Variants in RNF145 observed in about 807,000 individuals in gnomAD.
RNF145 encodes the protein ring finger protein 145.
In RNF145, 12 loss-of-function variants were observed where a neutral mutation model predicts 57.3. The observed-to-expected ratio is 0.21, with a 90% CI of 0.13 to 0.34. The LOEUF (loss-of-function observed/expected upper bound fraction) is 0.34. RNF145 is among the 10% of genes least tolerant of loss of function. RNF145 has a pLI of 1.00. For missense variants in RNF145, 429 were observed against 799.0 expected, an observed-to-expected ratio of 0.54 and a Z score of 5.58; for synonymous variants, 262 against 288.3, an observed-to-expected ratio of 0.91 and a Z score of 0.92.
rs1197675386 is a variant in RNF145 at position 159,169,680 on chromosome 5, G to A, written c.937C>T (p.Arg313Trp). 2 of 1,591,098 alleles carry A rather than the reference G, an allele frequency of 1.3e-6. No homozygotes were observed. Among genetic ancestry groups the A allele is most frequent in the Non-Finnish European group, 1.7e-6 (2 of 1,172,550 alleles). ...GATATAATCAAGGAAAGAACTTACC[G>A]ATTCATGGCAGGATCATTCATGAAA... Reference protein sequence around the residue: ...RAFMNDPAMNRGMTEGVTLLI... With the variant: ...RAFMNDPAMNWGMTEGVTLLI... Residue 313 changes from arginine to tryptophan, a missense_variant and splice_region_variant, in exon 7 of 11, where the codon CGG (arginine) becomes TGG (tryptophan). Around this residue, in one of 4 missense-constraint regions of RNF145, gnomAD observed 216 missense variants for 457.6 expected, o/e 0.47. Coordinates refer to ENST00000424310, the MANE Select transcript of RNF145 (RefSeq NM_001199383.2).
intron 1 of RNF145, among the ~76,000 whole-genome samples, chr5:159,208,602 G>T (rs1308352890): frequency 6.6e-6 from 1 of 152,126 alleles, no homozygotes; most frequent in Non-Finnish European, 1.5e-5. Context: ...GGACTGGCAG[G>T]CCCTTCCGCA....
Position 159,165,829 on chromosome 5 carries a change from T to C in RNF145, c.1122-2750A>G, listed in dbSNP as rs148623141. On this transcript the variant is annotated intron_variant, in intron 8 of 10. Coordinates refer to ENST00000424310, the MANE Select transcript of RNF145 (RefSeq NM_001199383.2). The stretch of plus-strand genomic sequence containing the variant: ...GATTTGTGGGTCACTATTTTTAACA[T>C]AGCACTGTGACTATTACCACATTTT... Among the ~76,000 whole-genome samples the C allele has an allele frequency of 2.3e-3, 346 of 152,238 alleles. 1 individual carries two copies. Among genetic ancestry groups the C allele is most frequent in the East Asian group, 9.1e-3 (47 of 5,170 alleles).
chr5:159,161,619 G>T lies in RNF145; in HGVS notation c.1273C>A (p.Leu425Met). Residue 425 changes from leucine (L) to methionine (M), a missense_variant, in exon 10 of 11, where the codon CTG becomes ATG. Coordinates refer to ENST00000424310, the MANE Select transcript of RNF145 (RefSeq NM_001199383.2). ...SSSILTSLQV[L>M]GTLFIYVLFM... The stretch of plus-strand genomic sequence containing the variant: ...AAGACATAAATAAAAAGTGTTCCCA[G>T]AACCTGAAAAAAAAAAAAAAATGTA... 1 of 1,427,622 alleles carries T rather than the reference G, an allele frequency of 7.0e-7. No individual in the cohort carries two copies. The highest frequency in any genetic ancestry group is 9.2e-7 in the Non-Finnish European group (1 of 1,084,288). 88.4% of individuals were successfully genotyped at this position (1,427,622 alleles called of 1,614,324 possible).
chr5:159,184,585 A>G (rs912361921), intron 3 of RNF145, among the ~76,000 whole-genome samples: 2 of 152,250 alleles, frequency 1.3e-5, no homozygotes, highest in African/African-American at 4.8e-5. Flanking sequence ...ATACATAAAA[A>G]GATTTTAAAT....
chr5:159,183,284 C>T, intron 3 of RNF145, among the ~76,000 whole-genome samples: 1 of 152,088 alleles, frequency 6.6e-6, no homozygotes, highest in Non-Finnish European at 1.5e-5. Context: ...AACCAAGGGG[C>T]AATTTTGCTC....
In RNF145 at chr5:159,158,014, CAG is replaced by C. The variant is rs1429799786; in HGVS notation, c.*654_*655del. 1.0e-4 allele frequency: 16 copies of C among 152,808 alleles called. No homozygotes were observed. The highest frequency in any genetic ancestry group is 3.9e-4 in the African/African-American group (16 of 41,460). 9.5% of individuals were successfully genotyped at this position (152,808 alleles called of 1,614,324 possible). A position where few individuals can be genotyped will look rare whatever the true frequency, so the allele number is the denominator to read the frequency against. ...ACTCCGTCATAAAGTTCAAGAGTCT[CAG>C]ATTACATGAATGCACCCGCAAGGCC... On this transcript the variant is annotated 3_prime_UTR_variant, in exon 11 of 11. Coordinates refer to ENST00000424310, the MANE Select transcript of RNF145 (RefSeq NM_001199383.2).
At chr5:159,184,931 G>A (rs6556403) in intron 3 of RNF145, among the ~76,000 whole-genome samples, 152,268 of 152,286 alleles carry the variant, frequency 1, 76,125 homozygotes, top group Middle Eastern at 1. Context: ...AAGAATAAAT[G>A]ATCAACCTTT....
chr5:159,198,439 G>C (rs1785536894), intron 2 of RNF145, among the ~76,000 whole-genome samples: 1 of 152,278 alleles, frequency 6.6e-6, no homozygotes, highest in Non-Finnish European at 1.5e-5. Flanking sequence ...GGTAAGATGA[G>C]AGCCTGGATT....
rs535137083 is a variant in RNF145 at position 159,187,721 on chromosome 5, G to A, written c.294-5670C>T. ...ACTTTTTGGTTGTCATATTTGCTGG[G>A]AAGAGGGTATCACTGGGGTCTAGTG... On this transcript the variant is annotated intron_variant, in intron 3 of 10. Transcript: ENST00000424310. Among the ~76,000 whole-genome samples, 7 of 152,290 alleles carry A rather than the reference G, an allele frequency of 4.6e-5. No individual in the cohort carries two copies. In the East Asian group the frequency reaches 1.4e-3, roughly 29 times the overall value.
chr5:159,176,581 A>C, intron 5 of RNF145, 51 bp downstream of exon 5: 1 of 1,051,264 alleles, frequency 9.5e-7, no homozygotes, highest in Non-Finnish European at 1.4e-6. Flanking sequence ...TAATGTACTT[A>C]ACATTTATGT....
chr5:159,185,758 C>A (rs1454965897), intron 3 of RNF145, among the ~76,000 whole-genome samples: 2 of 152,174 alleles, frequency 1.3e-5, no homozygotes, highest in Admixed American at 6.5e-5. Context: ...AGAATTCCTG[C>A]CAATCTACTT....
At chr5:159,188,806 A>G (rs760383839) in intron 3 of RNF145, among the ~76,000 whole-genome samples, 2 of 152,160 alleles carry the variant, frequency 1.3e-5, no homozygotes, top group Non-Finnish European at 2.9e-5. Context: ...TTTCAGGATA[A>G]TAAGTTTCAT....
In RNF145 at chr5:159,209,492, C is replaced by CGG. The variant is rs1786028463; in HGVS notation, c.-302_-301insCC. 1.4e-5 allele frequency: 5 copies of CGG among 348,608 alleles called. No homozygotes were observed. In the African/African-American group the frequency reaches 4.6e-4, roughly 32 times the overall value. The allele number at this position is 348,608 out of a possible 1,614,324, so 21.6% of individuals were successfully genotyped here. A position where few individuals can be genotyped will look rare whatever the true frequency, so the allele number is the denominator to read the frequency against. On this transcript the variant is annotated 5_prime_UTR_variant, in exon 1 of 11. The change abolishes the stop of an existing upstream ORF in the 5' untranslated region. Coordinates refer to ENST00000424310, the MANE Select transcript of RNF145 (RefSeq NM_001199383.2). The stretch of plus-strand genomic sequence containing the variant: ...GCTCGCGGGCCGAGCCCCTTAGCAG[C>CGG]CGGCGCCGGCGTCGGCGGCCATGGC...
At position 159,194,754 on chromosome 5, in the gene RNF145, CA is replaced by C; in HGVS notation, c.254del (p.Leu85Ter). ...GTCCAGCATAGAGGAGCAGAGCAGT[CA>C]AAAAATATAGATAAAGCTGAACCAG... ...QHLVQLYLYFLTALLLYAGHQ... is the reference protein window; with the variant it reads ...QHLVQLYLYFXTALLLYAGHQ... On this transcript the variant is annotated frameshift_variant, in exon 3 of 11. Transcript: ENST00000424310. LOFTEE classifies it high-confidence loss of function. 6.2e-7 allele frequency: 1 copy of C among 1,613,412 alleles called. No homozygotes were observed. Among genetic ancestry groups the C allele is most frequent in the Non-Finnish European group, 8.5e-7 (1 of 1,179,484 alleles).
chr5:159,184,143 CTGTT>C (rs1293567804), intron 3 of RNF145, among the ~76,000 whole-genome samples: 1 of 152,156 alleles, frequency 6.6e-6, no homozygotes, highest in Non-Finnish European at 1.5e-5. Context: ...TTTCTTTCCA[CTGTT>C]TGGTTTTGTC....
At chr5:159,181,576 T>C (rs908993013) in intron 4 of RNF145, among the ~76,000 whole-genome samples, 1 of 152,148 alleles carries the variant, frequency 6.6e-6, no homozygotes, top group African/African-American at 2.4e-5. Context: ...AAGTTCTTGA[T>C]GTTTCCGGAC....
In RNF145 at chr5:159,179,537, A is replaced by G. The variant is rs370909404; in HGVS notation, c.385+2423T>C. Among the ~76,000 whole-genome samples the G allele has an allele frequency of 3.4e-4, 52 of 152,242 alleles. No homozygotes were observed. In the South Asian group the frequency reaches 8.3e-3, roughly 24 times the overall value. ...AAGTTGGAAGAAAACATGCTCCTTA[A>G]TAGTTTATGGACTTTGGAAAGTTGA... On this transcript the variant is annotated intron_variant, in intron 4 of 10. Coordinates refer to ENST00000424310, the MANE Select transcript of RNF145 (RefSeq NM_001199383.2).
chr5:159,192,051 GAAAA>G (rs879432662), intron 3 of RNF145, among the ~76,000 whole-genome samples: 4 of 133,214 alleles, frequency 3.0e-5, no homozygotes, highest in Non-Finnish European at 6.5e-5. Flanking sequence ...AAAATATTCA[GAAAA>G]AAAAAAAAAC....
At chr5:159,196,588 TG>T (rs1462372173) in intron 2 of RNF145, among the ~76,000 whole-genome samples, 1 of 152,138 alleles carries the variant, frequency 6.6e-6, no homozygotes, top group African/African-American at 2.4e-5. Flanking sequence ...TAAGAAAACA[TG>T]AGCATGCTTG....
Sources: gnomAD v4.1 joint callset for allele counts (sites outside exome capture counted in the v4.1 genomes callset) on GRCh38, gnomAD v4.1.1 for gene constraint, gnomAD v4.1.1 regional missense constraint, MANE v1.5 for transcripts, NCBI Gene and HGNC (gene_info 2026-07-23, HGNC 2026-07-21) for gene names.